SPEN: variants seen among roughly 807,000 people sequenced by gnomAD.
SPEN encodes msx2-interacting protein.
In SPEN, 18 loss-of-function variants were observed where a neutral mutation model predicts 269.9. That is an observed-to-expected ratio of 0.07 (90% CI 0.05 to 0.10). SPEN has a LOEUF of 0.10. Ranked by LOEUF, SPEN falls within the 10% of genes least tolerant of loss-of-function variation. SPEN has a pLI of 1.00. For missense variants in SPEN, 3,822 were observed against 4,631.2 expected (o/e 0.83, Z 5.07); for synonymous variants, 1,726 against 1,765.7 (o/e 0.98, Z 0.56).
intron 10 of SPEN, among the ~76,000 whole-genome samples, chr1:15,923,161 A>T (rs1426110132): frequency 6.6e-6 from 1 of 152,260 alleles, no homozygotes. Flanking sequence ...AAGTGAATCA[A>T]TAAGCCAAAG....
In SPEN at chr1:15,873,023, A is replaced by G; in HGVS notation, c.291A>G (p.Ile97Met). 6.2e-7 allele frequency: 1 copy of G among 1,614,194 alleles called. No individual in the cohort carries two copies. The change falls in exon 2 of 15, where the codon ATA (isoleucine) becomes ATG (methionine). Residue 97 changes from isoleucine to methionine, a missense_variant. Physicochemically the swap from Ile to Met is conservative, Grantham distance 10. Around this residue, in one of 16 missense-constraint regions of SPEN, gnomAD observed 327 missense variants for 350.8 expected, o/e 0.93. Transcript: ENST00000375759. ...GGGGATTGGATGATACAGTTTCCAT[A>G]GCATCTCGTAGTAGAGAGGTTTCTG... ...AARGLDDTVS[I>M]ASRSREVSGF...
At chr1:15,924,642 T>A (rs143460786) in intron 10 of SPEN, among the ~76,000 whole-genome samples, 153 of 152,270 alleles carry the variant, frequency 1.0e-3, no homozygotes, top group African/African-American at 3.5e-3. Context: ...GCATTTTTAG[T>A]GGAGACAGGG....
rs766255211 is a variant in SPEN, at chr1:15,931,812, C to T, written c.5572C>T (p.Pro1858Ser). 1 of 1,614,216 alleles carries T rather than the reference C, an allele frequency of 6.2e-7. No individual in the cohort carries two copies. The highest frequency in any genetic ancestry group is 8.5e-7 in the Non-Finnish European group (1 of 1,180,042). Residue 1858 changes from proline to serine, a missense_variant, in exon 11 of 15, where the codon CCT (proline) becomes TCT (serine). Pro to Ser is a moderately conservative substitution (Grantham distance 74, BLOSUM62 -1). Transcript: ENST00000375759. The surrounding 1 kb of genome is among the most constrained non-coding windows in gnomAD (Gnocchi z 4.8). ...GGAAAAACTCAAGCGGTCCAATTCTCCTCGGGGAGAAGCACAGAAGCTTTT... is the reference window on the plus strand; with the variant it reads ...GGAAAAACTCAAGCGGTCCAATTCTTCTCGGGGAGAAGCACAGAAGCTTTT... ...DREKLKRSNSPRGEAQKLLEL... is the reference protein window; with the variant it reads ...DREKLKRSNSSRGEAQKLLEL...
At position 15,929,845 on chromosome 1, in the gene SPEN, A is replaced by G; in HGVS notation, c.3605A>G (p.Tyr1202Cys). 6.2e-7 allele frequency: 1 copy of G among 1,614,208 alleles called. No individual in the cohort carries two copies. The highest frequency in any genetic ancestry group is 8.5e-7 in the Non-Finnish European group (1 of 1,180,042). ...AGTCCTAAAAAAGATGTAGATGAATATGAAAGACGTAGCCTCGTTCACGAG... is the reference window on the plus strand; with the variant it reads ...AGTCCTAAAAAAGATGTAGATGAATGTGAAAGACGTAGCCTCGTTCACGAG... ...FGSPKKDVDEYERRSLVHEVG... is the reference protein window; with the variant it reads ...FGSPKKDVDECERRSLVHEVG... The change falls in exon 11 of 15, where the codon TAT (tyrosine) becomes TGT (cysteine). Residue 1202 changes from tyrosine (Y) to cysteine (C), a missense_variant. By Grantham distance (194) the Tyr-to-Cys change is radical (BLOSUM62 -2). Around this residue, in one of 16 missense-constraint regions of SPEN, gnomAD observed 46 missense variants for 94.0 expected, o/e 0.49. Transcript: ENST00000375759. This position sits in a 1 kb window ranked among gnomAD's most constrained non-coding sequence, Gnocchi z 5.8.
chr1:15,891,317 G>C (rs1027197706), intron 3 of SPEN, among the ~76,000 whole-genome samples: 1 of 151,550 alleles, frequency 6.6e-6, no homozygotes, highest in Non-Finnish European at 1.5e-5. Flanking sequence ...CTCCTAAGTA[G>C]CCGAGACTAT....
chr1:15,934,104 A>G lies in SPEN; in HGVS notation c.7864A>G (p.Ile2622Val). 4.3e-6 allele frequency: 7 copies of G among 1,613,440 alleles called. No homozygotes were observed. The highest frequency in any genetic ancestry group is 2.2e-5 in the East Asian group (1 of 44,860). The change falls in exon 11 of 15, where the codon ATT (isoleucine) becomes GTT (valine). Residue 2622 changes from isoleucine to valine, a missense_variant. By Grantham distance (29) the Ile-to-Val change is conservative. Transcript: ENST00000375759. This position sits in a 1 kb window ranked among gnomAD's most constrained non-coding sequence, Gnocchi z 9.2. ...CATTGCTCCCAAAATTACCTCTGTT[A>G]TTAGCCGGATGCCTGTCAGCATTGA... ...PVIAPKITSVISRMPVSIDLE... is the reference protein window; with the variant it reads ...PVIAPKITSVVSRMPVSIDLE...
chr1:15,875,107 T>C (rs1186986929), intron 2 of SPEN, among the ~76,000 whole-genome samples: 1 of 152,184 alleles, frequency 6.6e-6, no homozygotes, highest in Admixed American at 6.5e-5. Flanking sequence ...AATGGTCTTT[T>C]AGGAACTCAG....
chr1:15,848,018 A>G lies in SPEN; in HGVS notation c.-50A>G. 7.7e-7 allele frequency: 1 copy of G among 1,293,318 alleles called. No homozygotes were observed. The highest frequency in any genetic ancestry group is 1.0e-6 in the Non-Finnish European group (1 of 979,900). 80.1% of individuals were successfully genotyped at this position (1,293,318 alleles called of 1,614,324 possible). On this transcript the variant is annotated 5_prime_UTR_variant, in exon 1 of 15. Transcript: ENST00000375759. This position sits in a 1 kb window ranked among gnomAD's most constrained non-coding sequence, Gnocchi z 5.1. The stretch of plus-strand genomic sequence containing the variant: ...CTCCCGGCGCTGACGGTCTCGTACG[A>G]AGCCGGCGAGGGGGAGCCAGCAGCG...
chr1:15,858,854 G>C (rs1361792018), intron 1 of SPEN, among the ~76,000 whole-genome samples: 2 of 152,190 alleles, frequency 1.3e-5, no homozygotes, highest in Admixed American at 1.3e-4. Flanking sequence ...TGAGGTGGGA[G>C]GATCACTTGG....
At chr1:15,901,472 A>G (rs903302728) in intron 3 of SPEN, among the ~76,000 whole-genome samples, 4 of 151,768 alleles carry the variant, frequency 2.6e-5, no homozygotes, top group African/African-American at 4.8e-5. Flanking sequence ...CCCTGTCTCT[A>G]CTAAAAATGC....
chr1:15,911,081 G>GT lies in SPEN; in HGVS notation c.1043-20_1043-19insT, dbSNP rs757557514. ...ATTAAATTAGAAGAATTAATAACTTGGTTTTTTTTGGGAATTTAGATACAA... is the reference window on the plus strand; with the variant it reads ...ATTAAATTAGAAGAATTAATAACTTGTGTTTTTTTTGGGAATTTAGATACAA... On this transcript the variant is annotated intron_variant, in intron 4 of 14. Transcript: ENST00000375759. 1.9e-5 allele frequency: 30 copies of GT among 1,569,438 alleles called. No homozygotes were observed. The African/African-American group carries it at 3.3e-4, about 17-fold the overall frequency.
intron 1 of SPEN, among the ~76,000 whole-genome samples, chr1:15,849,497 G>C (rs897607553): frequency 6.6e-6 from 1 of 152,238 alleles, no homozygotes; most frequent in Admixed American, 6.5e-5. Context: ...GTGTGAAAAG[G>C]AGCCGGGAAT....
At chr1:15,896,187 CTTTTTTT>C (rs34846762) in intron 3 of SPEN, among the ~76,000 whole-genome samples, 10 of 69,216 alleles carry the variant, frequency 1.4e-4, no homozygotes, top group East Asian at 3.6e-4. Flanking sequence ...TTTACCATCA[CTTTTTTT>C]TTTTTTTTTT....
chr1:15,868,379 A>G (rs948172002), intron 1 of SPEN, among the ~76,000 whole-genome samples: 1 of 149,530 alleles, frequency 6.7e-6, no homozygotes, highest in Admixed American at 6.7e-5. Flanking sequence ...ATCTGTAATT[A>G]TTTTCTCCTA....
At chr1:15,910,085 C>T (rs577740775) in intron 4 of SPEN, among the ~76,000 whole-genome samples, 6 of 137,360 alleles carry the variant, frequency 4.4e-5, no homozygotes, top group Admixed American at 8.1e-5. Context: ...GGTCAGGCCA[C>T]TGCACTCCAG....
In SPEN at chr1:15,929,829, A is replaced by G. The variant is rs375684883; in HGVS notation, c.3589A>G (p.Lys1197Glu). 1 of 1,614,054 alleles carries G rather than the reference A, an allele frequency of 6.2e-7. No homozygotes were observed. The highest frequency in any genetic ancestry group is 8.5e-7 in the Non-Finnish European group (1 of 1,180,050). Residue 1197 changes from lysine to glutamate, a missense_variant, in exon 11 of 15, where the codon AAA (lysine) becomes GAA (glutamate). Transcript: ENST00000375759. The surrounding 1 kb of genome is among the most constrained non-coding windows in gnomAD (Gnocchi z 5.8). ...GTCTGAGAAGTTTGGCAGTCCTAAA[A>G]AAGATGTAGATGAATATGAAAGACG... Reference protein sequence around the residue: ...AKSEKFGSPKKDVDEYERRSL... With the variant: ...AKSEKFGSPKEDVDEYERRSL...
intron 3 of SPEN, among the ~76,000 whole-genome samples, chr1:15,878,611 T>TC (rs1333450142): frequency 6.6e-6 from 1 of 152,212 alleles, no homozygotes; most frequent in Non-Finnish European, 1.5e-5. Flanking sequence ...CACTTTTTTT[T>TC]CTGCATAGAA....
At chr1:15,905,894 C>T (rs1479420642) in intron 3 of SPEN, among the ~76,000 whole-genome samples, 8 of 152,118 alleles carry the variant, frequency 5.3e-5, no homozygotes, top group African/African-American at 1.9e-4. Flanking sequence ...TTTCAATAGC[C>T]GTAAATTTTG....
intron 1 of SPEN, among the ~76,000 whole-genome samples, chr1:15,872,559 C>T (rs1020914611): frequency 6.8e-6 from 1 of 146,858 alleles, no homozygotes; most frequent in Non-Finnish European, 1.5e-5. Flanking sequence ...GAGATTGTGC[C>T]ACTGCACTCC....
Sources: gnomAD v4.1 joint callset for allele counts (sites outside exome capture counted in the v4.1 genomes callset) on GRCh38, gnomAD v4.1.1 for gene constraint, gnomAD v4.1.1 regional missense constraint, Gnocchi (gnomAD v3.1) non-coding constraint, MANE v1.5 for transcripts, NCBI Gene and HGNC (gene_info 2026-07-23, HGNC 2026-07-21) for gene names.